Variants in DLGAP2 observed in about 807,000 individuals in gnomAD.
The protein encoded by DLGAP2 is DLG associated protein 2.
A neutral mutation model predicts 100.3 loss-of-function variants in DLGAP2; 26 were observed. The observed-to-expected ratio is 0.26, with a 90% confidence interval of 0.19 to 0.36. The LOEUF (loss-of-function observed/expected upper bound fraction) is 0.36. Ranked by LOEUF, DLGAP2 falls within the 10% of genes least tolerant of loss-of-function variation. The probability of loss-of-function intolerance (pLI) is 1.00; values close to 1 mark genes in which losing one functional copy is unlikely to be tolerated. For missense variants in DLGAP2, 1,858 were observed against 1,453.2 expected (o/e 1.28, Z -4.53); for synonymous variants, 886 against 630.1 (o/e 1.41, Z -6.08).
At position 1,481,372 on chromosome 8, in the gene DLGAP2, CT is replaced by C. The variant is rs200250788; in HGVS notation, c.107-19990del. 6.0e-3 allele frequency among the ~76,000 whole-genome samples: 912 copies of C among 151,450 alleles called. 10 individuals are homozygous for C. Among genetic ancestry groups the C allele is most frequent in the African/African-American group, 0.021 (857 of 41,324 alleles). On this transcript the variant is annotated intron_variant, in intron 3 of 14. Coordinates refer to ENST00000637795, the MANE Select transcript of DLGAP2 (RefSeq NM_001346810.2). Reference sequence around the variant, plus strand: ...GGAGGTGGAGATAGAAAGATTTACACTTTTCTTTCCAATGGCAAAGCCTTTT... The same window carrying C: ...GGAGGTGGAGATAGAAAGATTTACACTTTCTTTCCAATGGCAAAGCCTTTT...
rs1799548672 is a variant in DLGAP2, at chr8:1,270,066, A to C, written c.106+11183A>C. Among the ~76,000 whole-genome samples, 3 of 151,958 alleles carry C rather than the reference A, an allele frequency of 2.0e-5. No individual in the cohort carries two copies. The South Asian group carries it at 6.2e-4, about 32-fold the overall frequency. ...ATACAGTAGCGGGTGGTCTTTTCCC[A>C]TTTCCCTTGGGGTCCTGTTGACTGA... On this transcript the variant is annotated intron_variant, in intron 3 of 14. Coordinates refer to ENST00000637795, the MANE Select transcript of DLGAP2 (RefSeq NM_001346810.2).
intron 6 of DLGAP2, among the ~76,000 whole-genome samples, chr8:1,569,383 G>A (rs1802562540): frequency 6.6e-6 from 1 of 152,210 alleles, no homozygotes; most frequent in African/African-American, 2.4e-5. Context: ...AGCAGAGAAA[G>A]CAGCCATGTG....
intron 3 of DLGAP2, among the ~76,000 whole-genome samples, chr8:1,391,809 C>G (rs1017143372): frequency 2.0e-5 from 3 of 152,266 alleles, no homozygotes; most frequent in African/African-American, 4.8e-5. Flanking sequence ...TAGAAGAGGT[C>G]ATTTCATTAA....
At chr8:1,280,445 A>G (rs796284500) in intron 3 of DLGAP2, among the ~76,000 whole-genome samples, 2 of 152,358 alleles carry the variant, frequency 1.3e-5, no homozygotes, top group African/African-American at 4.8e-5. Flanking sequence ...TATCAGAAAA[A>G]TACATGCCAC....
chr8:760,700 A>G (rs1191580716), intron 1 of DLGAP2, among the ~76,000 whole-genome samples: 1 of 152,122 alleles, frequency 6.6e-6, no homozygotes, highest in Admixed American at 6.5e-5. Context: ...GAAACTCACA[A>G]AGGTGTGCAT....
At chr8:1,609,175 G>C in intron 6 of DLGAP2, among the ~76,000 whole-genome samples, 1 of 137,158 alleles carries the variant, frequency 7.3e-6, no homozygotes, top group Non-Finnish European at 1.6e-5. Context: ...AAGCCCATCA[G>C]ACTAACAGCG....
At chr8:1,372,451 G>A (rs748213406) in intron 3 of DLGAP2, among the ~76,000 whole-genome samples, 39 of 152,132 alleles carry the variant, frequency 2.6e-4, no homozygotes, top group Non-Finnish European at 4.9e-4. Flanking sequence ...AATGTCGTGC[G>A]AGTCCCCTCC....
chr8:1,223,614 C>T (rs141764464), intron 2 of DLGAP2, among the ~76,000 whole-genome samples: 3 of 152,234 alleles, frequency 2.0e-5, no homozygotes, highest in African/African-American at 7.2e-5. Context: ...ATTGTAAGTG[C>T]CTTAAACACT....
chr8:1,008,637 G>T (rs900202466), intron 2 of DLGAP2, among the ~76,000 whole-genome samples: 8 of 152,322 alleles, frequency 5.3e-5, no homozygotes, highest in Non-Finnish European at 1.0e-4. Flanking sequence ...TCCTTTGCAT[G>T]GTTCTTACTG....
chr8:966,529 T>A (rs537200044), intron 2 of DLGAP2, among the ~76,000 whole-genome samples: 18 of 152,368 alleles, frequency 1.2e-4, no homozygotes, highest in Non-Finnish European at 2.4e-4. Context: ...ATCTTTTTTT[T>A]AAAAGTTTTT....
intron 3 of DLGAP2, among the ~76,000 whole-genome samples, chr8:1,496,963 C>T (rs1799568066): frequency 6.6e-6 from 1 of 152,058 alleles, no homozygotes; most frequent in Non-Finnish European, 1.5e-5. Flanking sequence ...GTATGGTTTA[C>T]ATGGTCTCCA....
At chr8:1,566,059 A>G (rs1802389120) in intron 6 of DLGAP2, among the ~76,000 whole-genome samples, 165 bp downstream of exon 6, 1 of 152,240 alleles carries the variant, frequency 6.6e-6, no homozygotes. Flanking sequence ...TTTTTTAAAG[A>G]ACAACCAGAG....
At chr8:1,227,217 A>G (rs933704914) in intron 2 of DLGAP2, among the ~76,000 whole-genome samples, 2 of 129,938 alleles carry the variant, frequency 1.5e-5, no homozygotes, top group Non-Finnish European at 3.0e-5. Context: ...AGTGTTATAT[A>G]TATATTTGTT....
intron 2 of DLGAP2, among the ~76,000 whole-genome samples, chr8:1,212,220 C>G (rs759385225): frequency 2.0e-5 from 3 of 152,190 alleles, no homozygotes; most frequent in Non-Finnish European, 4.4e-5. Flanking sequence ...CAAAGACACG[C>G]AGGTTGTCTC....
At chr8:915,693 T>C (rs1563093550) in intron 2 of DLGAP2, among the ~76,000 whole-genome samples, 1 of 152,136 alleles carries the variant, frequency 6.6e-6, no homozygotes, top group Non-Finnish European at 1.5e-5. Context: ...ATGAAACAAA[T>C]GTGTGGTCAT....
intron 2 of DLGAP2, among the ~76,000 whole-genome samples, chr8:1,070,886 C>T (rs755871846): frequency 9.9e-5 from 15 of 152,226 alleles, no homozygotes; most frequent in Non-Finnish European, 1.6e-4. Context: ...CCACAATTGC[C>T]GACAAGCACT....
At chr8:824,037 CTTCTTCTTTT>C (rs1796639151) in intron 1 of DLGAP2, among the ~76,000 whole-genome samples, 3 of 82,142 alleles carry the variant, frequency 3.7e-5, no homozygotes, top group Non-Finnish European at 7.8e-5. Context: ...TCTTTTTTTT[CTTCTTCTTTT>C]TTTTCTTCTT....
intron 2 of DLGAP2, among the ~76,000 whole-genome samples, chr8:1,247,316 G>A (rs1273471511): frequency 1.7e-4 from 1 of 6,048 alleles, no homozygotes; most frequent in African/African-American, 2.7e-4. Context: ...AGATCAGTGT[G>A]GGAGTGATGG....
intron 1 of DLGAP2, among the ~76,000 whole-genome samples, chr8:881,367 T>C (rs774146781): frequency 3.9e-5 from 6 of 152,144 alleles, no homozygotes; most frequent in African/African-American, 7.2e-5. Flanking sequence ...TCTCTGTAAA[T>C]AGAGATTCTT....
Sources: allele counts gnomAD v4.1 joint callset (sites outside exome capture counted in the v4.1 genomes callset), GRCh38; gene constraint gnomAD v4.1.1; transcripts MANE v1.5; gene names NCBI Gene and HGNC (gene_info 2026-07-23, HGNC 2026-07-21).